Variants in STK32A observed in about 807,000 individuals in gnomAD.
The protein encoded by STK32A is serine/threonine kinase 32A, also known as serine/threonine-protein kinase 32A.
In STK32A, 41 loss-of-function variants were observed where a neutral mutation model predicts 53.2. That is an observed-to-expected ratio of 0.77 (90% CI 0.60 to 1.00). STK32A has a LOEUF of 1.00. Among genes scored for constraint, STK32A ranks in the 50% least tolerant of loss-of-function variants. STK32A has a pLI of 0.00. For synonymous variants in STK32A, 166 were observed against 162.8 expected, an observed-to-expected ratio of 1.02 and a Z score of -0.15; for missense variants, 458 against 485.8, an observed-to-expected ratio of 0.94 and a Z score of 0.54.
chr5:147,348,688 A>T, intron 6 of STK32A: 2 of 773,034 alleles, frequency 2.6e-6, no homozygotes, highest in Non-Finnish European at 2.4e-6. Flanking sequence ...TGTTGTTTTT[A>T]ATACAGATAC....
intron 1 of STK32A, among the ~76,000 whole-genome samples, chr5:147,235,793 CTG>C (rs1377460755): frequency 6.6e-6 from 1 of 152,138 alleles, no homozygotes; most frequent in African/African-American, 2.4e-5. Context: ...GTGATTGTGG[CTG>C]TCTTTGGAAA....
intron 4 of STK32A, among the ~76,000 whole-genome samples, chr5:147,305,544 T>C (rs528909892): frequency 6.6e-6 from 1 of 152,198 alleles, no homozygotes; most frequent in South Asian, 2.1e-4. Flanking sequence ...AAGATCTTAA[T>C]AAGAGCCAAC....
Position 147,346,470 on chromosome 5 carries a change from C to G in STK32A, c.472+3427C>G, listed in dbSNP as rs79520229. On this transcript the variant is annotated intron_variant, in intron 6 of 12. Transcript: ENST00000397936. ...ACTTTTATTCTTACTGACTCATATT[C>G]TTTATATTCATCTGAAAAGATTGAC... Among the ~76,000 whole-genome samples, 7 of 152,280 alleles carry G rather than the reference C, an allele frequency of 4.6e-5. No homozygotes were observed. In the East Asian group the frequency reaches 1.3e-3, roughly 29 times the overall value.
intron 11 of STK32A, among the ~76,000 whole-genome samples, chr5:147,376,374 A>G (rs1385217684): frequency 3.3e-5 from 5 of 152,052 alleles, no homozygotes; most frequent in Non-Finnish European, 7.4e-5. Flanking sequence ...GTTCCTCATG[A>G]TCATGTCATA....
At chr5:147,290,786 T>A (rs142690496) in intron 4 of STK32A, among the ~76,000 whole-genome samples, 3 of 152,304 alleles carry the variant, frequency 2.0e-5, no homozygotes, top group African/African-American at 7.2e-5. Context: ...TCTGAAAATA[T>A]GATTAAGTAT....
chr5:147,241,870 C>T (rs1753596077), intron 2 of STK32A, among the ~76,000 whole-genome samples: 1 of 152,144 alleles, frequency 6.6e-6, no homozygotes, highest in African/African-American at 2.4e-5. Flanking sequence ...AGGCCAGCTG[C>T]ATACTTTTAA....
At chr5:147,390,675 A>T (rs1330053842), downstream of STK32A, 1 of 152,078 alleles carries the variant, frequency 6.6e-6, no homozygotes, top group Non-Finnish European at 1.5e-5. Flanking sequence ...AGAAGCCCCC[A>T]ATTTTTCTCC....
At chr5:147,331,717 C>T (rs1200962995) in intron 5 of STK32A, among the ~76,000 whole-genome samples, 2 of 152,038 alleles carry the variant, frequency 1.3e-5, no homozygotes, top group East Asian at 1.9e-4. Context: ...GACTGGTGTC[C>T]TTATGAAAAG....
chr5:147,242,943 A>G (rs942127538), intron 2 of STK32A, among the ~76,000 whole-genome samples: 1 of 152,200 alleles, frequency 6.6e-6, no homozygotes, highest in Non-Finnish European at 1.5e-5. Flanking sequence ...AGCACTGATT[A>G]ACCAAACAAC....
chr5:147,317,577 A>T (rs1754069152), intron 4 of STK32A, among the ~76,000 whole-genome samples: 1 of 151,872 alleles, frequency 6.6e-6, no homozygotes, highest in Non-Finnish European at 1.5e-5. Flanking sequence ...CACCCGCTTC[A>T]GCCTCCCAAA....
At chr5:147,259,304 A>G (rs1251083367) in intron 2 of STK32A, among the ~76,000 whole-genome samples, 1 of 152,108 alleles carries the variant, frequency 6.6e-6, no homozygotes, top group African/African-American at 2.4e-5. Flanking sequence ...TTCCTCTAAA[A>G]GTTACTTTTC....
chr5:147,388,061 G>A (rs1435467315), downstream of STK32A, among the ~76,000 whole-genome samples: 3 of 152,196 alleles, frequency 2.0e-5, no homozygotes, highest in African/African-American at 7.2e-5. Context: ...TGACCCACAT[G>A]TATAAAAACT....
At chr5:147,337,247 G>A (rs1048723566) in intron 5 of STK32A, among the ~76,000 whole-genome samples, 1 of 152,154 alleles carries the variant, frequency 6.6e-6, no homozygotes, top group African/African-American at 2.4e-5. Context: ...AAGATGCAAT[G>A]AAGAATTTCC....
intron 2 of STK32A, among the ~76,000 whole-genome samples, chr5:147,257,099 T>C (rs1010184992): frequency 3.3e-5 from 5 of 152,144 alleles, no homozygotes; most frequent in Admixed American, 3.3e-4. Flanking sequence ...CTGTATAGGT[T>C]TAGCTGACAG....
At chr5:147,270,211 T>C (rs1754970943) in intron 2 of STK32A, among the ~76,000 whole-genome samples, 1 of 152,042 alleles carries the variant, frequency 6.6e-6, no homozygotes, top group Admixed American at 6.6e-5. Flanking sequence ...AAAACTACAT[T>C]ACTGAAAAAA....
chr5:147,373,344 C>T, intron 10 of STK32A, 50 bp downstream of exon 10: 1 of 1,603,306 alleles, frequency 6.2e-7, no homozygotes, highest in Non-Finnish European at 8.5e-7. Context: ...TGCGCATTAC[C>T]CGGTGTGCCA....
intron 5 of STK32A, chr5:147,342,534 G>A (rs1436711074): frequency 6.4e-6 from 1 of 155,622 alleles, no homozygotes; most frequent in African/African-American, 2.4e-5. Flanking sequence ...GGAGACAGGG[G>A]GTGGTTATAT....
intron 2 of STK32A, among the ~76,000 whole-genome samples, chr5:147,252,573 T>C (rs935875324): frequency 6.6e-6 from 1 of 152,182 alleles, no homozygotes; most frequent in Admixed American, 6.5e-5. Context: ...AAATGCGTAT[T>C]TAAATGCATA....
chr5:147,260,491 A>G (rs1445662125), intron 2 of STK32A, among the ~76,000 whole-genome samples: 1 of 151,828 alleles, frequency 6.6e-6, no homozygotes, highest in Non-Finnish European at 1.5e-5. Context: ...GTGAGGTTCA[A>G]CTCTTGAAAT....
Sources: gnomAD v4.1 joint callset for allele counts (sites outside exome capture counted in the v4.1 genomes callset) on GRCh38, gnomAD v4.1.1 for gene constraint, MANE v1.5 for transcripts, NCBI Gene and HGNC (gene_info 2026-07-23, HGNC 2026-07-21) for gene names.